The following PDE10A variants were observed in gnomAD, a reference collection of about 807,000 sequenced individuals.
PDE10A encodes cAMP and cAMP-inhibited cGMP 3',5'-cyclic phosphodiesterase 10A.
In PDE10A, 39 loss-of-function variants were observed where a neutral mutation model predicts 97.7. The ratio of observed to expected loss-of-function variants is 0.40; its 90% CI spans 0.31 to 0.52. The LOEUF is 0.52. Among genes scored for constraint, PDE10A ranks in the 20% least tolerant of loss-of-function variants. The pLI, the probability that PDE10A is intolerant of heterozygous loss-of-function variation, is 0.56. For missense variants in PDE10A, 731 were observed against 1,047.8 expected (o/e 0.70, Z 4.17); for synonymous variants, 371 against 376.8 (o/e 0.98, Z 0.18).
chr6:165,627,262 G>A (rs776265603), intron 1 of PDE10A, among the ~76,000 whole-genome samples: 2 of 152,122 alleles, frequency 1.3e-5, no homozygotes, highest in Non-Finnish European at 2.9e-5. Context: ...GCCACCACAC[G>A]TGGCCCTGTT....
chr6:165,964,805 A>G (rs990765521), intron 1 of PDE10A, among the ~76,000 whole-genome samples: 3 of 152,200 alleles, frequency 2.0e-5, no homozygotes, highest in Non-Finnish European at 4.4e-5. Context: ...CCACATAATG[A>G]TGAGAAAGGT....
intron 1 of PDE10A, among the ~76,000 whole-genome samples, chr6:165,968,067 C>T (rs1178255853): frequency 1.3e-5 from 2 of 152,164 alleles, no homozygotes; most frequent in African/African-American, 2.4e-5. Context: ...GATCATCATA[C>T]AAAATATGTA....
chr6:165,806,440 CCT>C (rs1470564653), intron 1 of PDE10A, among the ~76,000 whole-genome samples: 3 of 152,160 alleles, frequency 2.0e-5, no homozygotes, highest in African/African-American at 2.4e-5. Context: ...CTTGGTGGCC[CCT>C]GTTTGAAGCT....
rs568328455 is a variant in PDE10A, at chr6:165,494,494, ATAG to A, written c.995-12154_995-12152del. ...TGTGTGTGTAATACACACAACAAAC[ATAG>A]TAGTATTCCATGGTGTGTGCATATA... is the stretch of plus-strand genomic sequence containing the variant. On this transcript the variant is annotated intron_variant, in intron 2 of 21. Coordinates refer to ENST00000539869, the MANE Select transcript of PDE10A (RefSeq NM_001385079.1). 9.6e-4 allele frequency among the ~76,000 whole-genome samples: 143 copies of A among 149,528 alleles called. 1 individual carries two copies. The highest frequency in any genetic ancestry group is 3.4e-3 in the African/African-American group (139 of 40,572).
intron 1 of PDE10A, among the ~76,000 whole-genome samples, chr6:165,938,079 T>C (rs1292146053): frequency 1.3e-5 from 2 of 152,130 alleles, no homozygotes; most frequent in African/African-American, 2.4e-5. Context: ...GTATCAAAGG[T>C]CTAAATATAT....
chr6:165,563,526 A>G (rs1278402426), intron 1 of PDE10A, among the ~76,000 whole-genome samples: 1 of 152,128 alleles, frequency 6.6e-6, no homozygotes, highest in African/African-American at 2.4e-5. Flanking sequence ...AATAAAAATT[A>G]TACCTCTAAC....
chr6:165,769,903 T>C (rs888009865), intron 1 of PDE10A, among the ~76,000 whole-genome samples: 22 of 152,180 alleles, frequency 1.4e-4, no homozygotes, highest in African/African-American at 4.6e-4. Context: ...ACTTGGAAGA[T>C]ACTCTTAGAT....
chr6:165,808,633 T>C (rs140822499), intron 1 of PDE10A, among the ~76,000 whole-genome samples: 16 of 152,334 alleles, frequency 1.1e-4, no homozygotes, highest in African/African-American at 3.8e-4. Context: ...GTGTCACATC[T>C]CATATCTTAC....
intron 1 of PDE10A, among the ~76,000 whole-genome samples, chr6:165,891,989 A>G (rs553454043): frequency 4.0e-5 from 6 of 151,650 alleles, no homozygotes; most frequent in African/African-American, 1.5e-4. Context: ...TGCAGCTTCC[A>G]GTATTCACCC....
chr6:165,429,976 T>G (rs1032608722), intron 9 of PDE10A, among the ~76,000 whole-genome samples: 3 of 152,178 alleles, frequency 2.0e-5, no homozygotes, highest in Non-Finnish European at 2.9e-5. Context: ...TCCCTCCTAC[T>G]GTAGCCAGTA....
chr6:165,519,648 A>C (rs1293434647), intron 2 of PDE10A, among the ~76,000 whole-genome samples: 1 of 152,212 alleles, frequency 6.6e-6, no homozygotes, highest in African/African-American at 2.4e-5. Flanking sequence ...TCATGCTAAA[A>C]GTATTCCCAG....
intron 1 of PDE10A, among the ~76,000 whole-genome samples, chr6:165,969,343 G>A (rs1365836348): frequency 6.6e-6 from 1 of 152,132 alleles, no homozygotes; most frequent in African/African-American, 2.4e-5. Flanking sequence ...AGCCTGGAGG[G>A]GGTAGGGACA....
At chr6:165,722,097 A>C (rs1483874704) in intron 1 of PDE10A, among the ~76,000 whole-genome samples, 1 of 152,254 alleles carries the variant, frequency 6.6e-6, no homozygotes, top group African/African-American at 2.4e-5. Context: ...CAAGTGGCAC[A>C]GAATTACTTA....
intron 1 of PDE10A, among the ~76,000 whole-genome samples, chr6:165,834,192 C>T (rs1780007733): frequency 6.6e-6 from 1 of 152,216 alleles, no homozygotes; most frequent in Non-Finnish European, 1.5e-5. Flanking sequence ...GCAGACTCCT[C>T]AACCAGTTGG....
intron 1 of PDE10A, chr6:165,718,407 G>A (rs1792080667): frequency 6.6e-6 from 1 of 151,992 alleles, no homozygotes; most frequent in Non-Finnish European, 1.5e-5. Flanking sequence ...ATAACACACT[G>A]TCCCAAATCC....
At chr6:165,433,884 G>A (rs1172010542) in intron 6 of PDE10A, among the ~76,000 whole-genome samples, 1 of 151,708 alleles carries the variant, frequency 6.6e-6, no homozygotes, top group Admixed American at 6.6e-5. Flanking sequence ...GGGCGCGGTG[G>A]CAGGCGCCTG....
At chr6:165,390,362 A>G (rs1340691232) in intron 16 of PDE10A, among the ~76,000 whole-genome samples, 1 of 152,152 alleles carries the variant, frequency 6.6e-6, no homozygotes, top group African/African-American at 2.4e-5. Flanking sequence ...TTGTTTTCAG[A>G]AAGAATGCGA....
chr6:165,654,379 C>T (rs1486494352), intron 1 of PDE10A, among the ~76,000 whole-genome samples: 1 of 152,058 alleles, frequency 6.6e-6, no homozygotes, highest in Non-Finnish European at 1.5e-5. Flanking sequence ...GCCCCGCTCT[C>T]CTCCTCGGCT....
rs759945561 is a variant in PDE10A at position 165,434,016 on chromosome 6, C to CAAA, written c.1336-890_1336-888dup. 3.1e-3 allele frequency among the ~76,000 whole-genome samples: 166 copies of CAAA among 52,988 alleles called. 2 individuals are homozygous for CAAA. The highest frequency in any genetic ancestry group is 0.013 in the Middle Eastern group (1 of 76). 34.8% of individuals were successfully genotyped at this position (52,988 alleles called of 152,430 possible). On this transcript the variant is annotated intron_variant, in intron 6 of 21. Coordinates refer to ENST00000539869, the MANE Select transcript of PDE10A (RefSeq NM_001385079.1). ...TGGGCGACACAGCGAGACTCCGTCTCAAAAAAAAAAAAAAAAAAAAAAGAA... is the reference window on the plus strand; with the variant it reads ...TGGGCGACACAGCGAGACTCCGTCTCAAAAAAAAAAAAAAAAAAAAAAAAAGAA...
Sources: allele counts gnomAD v4.1 joint callset (sites outside exome capture counted in the v4.1 genomes callset), GRCh38; gene constraint gnomAD v4.1.1; transcripts MANE v1.5; gene names NCBI Gene and HGNC (gene_info 2026-07-23, HGNC 2026-07-21).